Variants in DCAF8L2 observed in about 807,000 individuals in gnomAD.
DCAF8L2 encodes the protein DDB1 and CUL4 associated factor 8 like 2.
For synonymous variants in DCAF8L2, 200 were observed against 190.9 expected (o/e 1.05, Z -0.39); for missense variants, 430 against 490.7 (o/e 0.88, Z 1.17).
chrX:27,496,493 C>T, the DCAF8L2 span, among the ~76,000 whole-genome samples: 6 of 111,652 alleles, frequency 5.4e-5, no homozygotes, highest in African/African-American at 2.0e-4. Flanking sequence ...ACAGGGAATT[C>T]ATGTCATATG....
chrX:27,674,310 T>C (rs970155446), intron 2 of DCAF8L2, among the ~76,000 whole-genome samples: 1 of 111,640 alleles, frequency 9.0e-6, no homozygotes, highest in East Asian at 2.8e-4. Context: ...ATGGTATTAT[T>C]TTACTTATTG....
chrX:27,559,177 C>T, the DCAF8L2 span, among the ~76,000 whole-genome samples: 1 of 111,087 alleles, frequency 9.0e-6, no homozygotes, highest in Non-Finnish European at 1.9e-5. Context: ...TATAAATTAC[C>T]CAGTCATGGG....
the DCAF8L2 span, among the ~76,000 whole-genome samples, chrX:27,568,795 A>G: frequency 3.7e-5 from 4 of 108,078 alleles, no homozygotes; most frequent in East Asian, 2.9e-4. Context: ...AACATTAGGT[A>G]TATCTCCTAA....
chrX:27,696,570 A>G (rs1237862987), intron 3 of DCAF8L2, among the ~76,000 whole-genome samples: 2 of 112,228 alleles, frequency 1.8e-5, no homozygotes, highest in African/African-American at 6.5e-5. Flanking sequence ...ATAAATACTC[A>G]TAGTTTTCCA....
At chrX:27,490,530 C>T in the DCAF8L2 span, among the ~76,000 whole-genome samples, 1 of 108,554 alleles carries the variant, frequency 9.2e-6, no homozygotes, top group South Asian at 4.0e-4. Context: ...GGTGTGATCT[C>T]GGCTCACTGC....
intron 4 of DCAF8L2, among the ~76,000 whole-genome samples, chrX:27,734,210 TA>T (rs1227108132): frequency 1.4e-5 from 1 of 72,862 alleles, no homozygotes; most frequent in Non-Finnish European, 2.4e-5. Context: ...AAAAAGAAAT[TA>T]AACCCCATCT....
At chrX:27,566,853 C>T in the DCAF8L2 span, among the ~76,000 whole-genome samples, 3 of 110,117 alleles carry the variant, frequency 2.7e-5, no homozygotes, top group African/African-American at 9.9e-5. Context: ...TTAAGGTAGG[C>T]GTTTATTGCT....
At chrX:27,623,165 G>T (rs1329269708) in intron 1 of DCAF8L2, among the ~76,000 whole-genome samples, 1 of 111,309 alleles carries the variant, frequency 9.0e-6, no homozygotes, top group African/African-American at 3.3e-5. Context: ...TTACTTTTGG[G>T]CTACCAGAAA....
chrX:27,493,623 A>T, the DCAF8L2 span, among the ~76,000 whole-genome samples: 2 of 106,500 alleles, frequency 1.9e-5, no homozygotes, highest in Non-Finnish European at 3.9e-5. Flanking sequence ...AGGCAGGAGA[A>T]TCGCTTGAAC....
the DCAF8L2 span, among the ~76,000 whole-genome samples, chrX:27,528,039 AATTTAATTAATTATTAAATTAAAT>A: frequency 9.7e-5 from 10 of 102,966 alleles, no homozygotes; most frequent in African/African-American, 3.7e-4. Context: ...TTAAATTTTT[AATTTAATTAATTATTAAATTAAAT>A]TTTTAATTTA....
chrX:27,697,306 T>C (rs776692517), intron 3 of DCAF8L2, among the ~76,000 whole-genome samples: 14 of 111,854 alleles, frequency 1.3e-4, no homozygotes, highest in Non-Finnish European at 2.3e-4. Context: ...TCAATATTCA[T>C]ATAATCCTCT....
chrX:27,745,413 C>T lies in DCAF8L2; in HGVS notation c.-58-1425C>T, dbSNP rs532009306. ...CCTTGTTAATTGTGTTTTCACTCAT[C>T]ATTGTGTTAAAGATTCATCCGTGCT... On this transcript the variant is annotated intron_variant, in intron 4 of 4. Coordinates refer to ENST00000451261, the MANE Select transcript of DCAF8L2 (RefSeq NM_001353450.2). Among the ~76,000 whole-genome samples, 86 of 112,189 alleles carry T rather than the reference C, an allele frequency of 7.7e-4. 1 individual carries two copies. The South Asian group carries it at 0.03, about 39-fold the overall frequency.
At chrX:27,502,068 C>T in the DCAF8L2 span, among the ~76,000 whole-genome samples, 1 of 107,302 alleles carries the variant, frequency 9.3e-6, no homozygotes, top group Non-Finnish European at 1.9e-5. Context: ...CACCTGTAAT[C>T]CCAGCACTTT....
At chrX:27,533,451 A>T in the DCAF8L2 span, among the ~76,000 whole-genome samples, 1 of 111,118 alleles carries the variant, frequency 9.0e-6, no homozygotes, top group African/African-American at 3.3e-5. Flanking sequence ...TTAGATTAGT[A>T]AAAATGGGGA....
At chrX:27,746,665 G>A (rs1318098166) in intron 4 of DCAF8L2, 173 bp from the exon 5 acceptor site, 13 of 362,185 alleles carry the variant, frequency 3.6e-5, no homozygotes, top group Non-Finnish European at 5.2e-5. Flanking sequence ...TGGATGCTGC[G>A]AGGCGGCGAG....
chrX:27,734,126 G>A (rs1333456477), intron 4 of DCAF8L2, among the ~76,000 whole-genome samples: 6 of 111,391 alleles, frequency 5.4e-5, no homozygotes, highest in African/African-American at 1.6e-4. Flanking sequence ...GATCCCATAC[G>A]AGGAAAAGAT....
chrX:27,741,242 G>A (rs770465652), intron 4 of DCAF8L2, among the ~76,000 whole-genome samples: 9 of 111,223 alleles, frequency 8.1e-5, no homozygotes, highest in Middle Eastern at 4.7e-3. Context: ...ATCCAAAGCC[G>A]ATTAAGATTT....
At chrX:27,711,616 T>C (rs907882566) in intron 3 of DCAF8L2, among the ~76,000 whole-genome samples, 1 of 110,441 alleles carries the variant, frequency 9.1e-6, no homozygotes, top group Admixed American at 9.8e-5. Context: ...ATAAAATTGA[T>C]TTCAATGAAT....
intron 1 of DCAF8L2, among the ~76,000 whole-genome samples, chrX:27,617,696 C>T (rs1201166643): frequency 1.8e-5 from 2 of 111,076 alleles, no homozygotes; most frequent in Non-Finnish European, 3.8e-5. Flanking sequence ...ATCCAGTTGT[C>T]AGCTACCTAG....
Sources: allele counts gnomAD v4.1 joint callset (sites outside exome capture counted in the v4.1 genomes callset), GRCh38; gene constraint gnomAD v4.1.1; transcripts MANE v1.5; gene names NCBI Gene and HGNC (gene_info 2026-07-23, HGNC 2026-07-21).